Variants in LDB2 observed in about 807,000 individuals in gnomAD.
LDB2 encodes the protein LIM domain-binding protein 2.
Under a neutral mutation model 44.3 loss-of-function variants are expected in LDB2, and 12 were observed. That is an observed-to-expected ratio of 0.27 (90% CI 0.17 to 0.44). The LOEUF is 0.44. LDB2 is among the 20% of genes least tolerant of loss of function. The pLI is 1.00. For synonymous variants in LDB2, 164 were observed against 174.8 expected (o/e 0.94, Z 0.49); for missense variants, 344 against 473.5 (o/e 0.73, Z 2.54).
At chr4:16,885,109 C>G (rs1433372070) in intron 1 of LDB2, among the ~76,000 whole-genome samples, 1 of 142,874 alleles carries the variant, frequency 7.0e-6, no homozygotes, top group Non-Finnish European at 1.5e-5. Flanking sequence ...CACTCAAGCT[C>G]AGGAGTTTGA....
At chr4:16,505,678 C>G (rs1303352314) in intron 7 of LDB2, among the ~76,000 whole-genome samples, 1 of 151,672 alleles carries the variant, frequency 6.6e-6, no homozygotes, top group Non-Finnish European at 1.5e-5. Context: ...CATCTCTATC[C>G]TGTGTGTCCA....
chr4:16,761,946 C>T (rs1422698503), intron 1 of LDB2, among the ~76,000 whole-genome samples: 1 of 152,082 alleles, frequency 6.6e-6, no homozygotes, highest in African/African-American at 2.4e-5. Context: ...GAGTTCGAGA[C>T]CAGCCTGACC....
intron 1 of LDB2, among the ~76,000 whole-genome samples, chr4:16,780,111 GACAA>G (rs1475222810): frequency 1.1e-4 from 17 of 152,092 alleles, no homozygotes; most frequent in Non-Finnish European, 2.4e-4. Context: ...TAGAGCAGGT[GACAA>G]ACAATAAACA....
chr4:16,856,489 A>G (rs28636869), intron 1 of LDB2, among the ~76,000 whole-genome samples: 73,441 of 151,912 alleles, frequency 0.48, 18,900 homozygotes, highest in African/African-American at 0.66. Context: ...AACAAAAACC[A>G]CGCGGTAAAT....
intron 4 of LDB2, among the ~76,000 whole-genome samples, chr4:16,586,507 CACACACACACACACACACAAA>C (rs1353278525): frequency 6.5e-5 from 5 of 76,864 alleles, no homozygotes; most frequent in East Asian, 4.2e-4. Context: ...CACACACACA[CACACACACACACACACACAAA>C]ACACACACAC....
intron 2 of LDB2, among the ~76,000 whole-genome samples, chr4:16,718,400 T>A (rs1435906988): frequency 6.6e-6 from 1 of 152,148 alleles, no homozygotes. Flanking sequence ...GAAAACAATT[T>A]AAAGAATTTT....
In LDB2 at chr4:16,582,985, AG is replaced by A. The variant is rs370913677; in HGVS notation, c.615+2936del. Among the ~76,000 whole-genome samples the A allele has an allele frequency of 2.0e-3, 307 of 152,328 alleles. No homozygotes were observed. The highest frequency in any genetic ancestry group is 5.0e-3 in the South Asian group (24 of 4,830). On this transcript the variant is annotated intron_variant, in intron 5 of 7. Coordinates refer to ENST00000304523, the MANE Select transcript of LDB2 (RefSeq NM_001290.5). The surrounding 1 kb of genome is among the most constrained non-coding windows in gnomAD (Gnocchi z 4.8). ...TGCTTCAAAAGCACCAGGTCACCAGAGCCCCCTCCAAAGTGCTGCTGGCCAG... is the reference window on the plus strand; with the variant it reads ...TGCTTCAAAAGCACCAGGTCACCAGACCCCCTCCAAAGTGCTGCTGGCCAG...
chr4:16,761,554 A>G (rs1268166696), intron 1 of LDB2, among the ~76,000 whole-genome samples: 4 of 152,210 alleles, frequency 2.6e-5, no homozygotes, highest in Non-Finnish European at 5.9e-5. Context: ...TTGTGAACTT[A>G]GCAACTTATT....
intron 5 of LDB2, among the ~76,000 whole-genome samples, chr4:16,549,911 A>C (rs1737056776): frequency 1.3e-5 from 2 of 152,228 alleles, no homozygotes; most frequent in South Asian, 4.1e-4. Context: ...GGAGGTCTGA[A>C]GGCAACCAAA....
At chr4:16,785,978 G>A (rs1459121214) in intron 1 of LDB2, among the ~76,000 whole-genome samples, 1 of 152,160 alleles carries the variant, frequency 6.6e-6, no homozygotes, top group Non-Finnish European at 1.5e-5. Flanking sequence ...ACGATGAGAT[G>A]AGACTCTGCC....
intron 1 of LDB2, among the ~76,000 whole-genome samples, chr4:16,871,780 C>A (rs1716695735): frequency 6.8e-6 from 1 of 147,798 alleles, no homozygotes; most frequent in South Asian, 2.1e-4. Context: ...ACCACCACGC[C>A]CAGCTAATTT....
intron 2 of LDB2, chr4:16,750,750 G>C (rs1765334055): frequency 6.6e-6 from 1 of 152,178 alleles, no homozygotes; most frequent in Admixed American, 6.5e-5. Flanking sequence ...TGTTGTAGTA[G>C]AAGTATGATG....
At chr4:16,745,893 TG>T (rs1392376926) in intron 2 of LDB2, among the ~76,000 whole-genome samples, 3 of 140,496 alleles carry the variant, frequency 2.1e-5, no homozygotes, top group Non-Finnish European at 3.0e-5. Flanking sequence ...TCTCTATTGT[TG>T]AAAAAAAAAA....
intron 2 of LDB2, among the ~76,000 whole-genome samples, chr4:16,704,984 G>A (rs1321198142): frequency 6.6e-6 from 1 of 152,074 alleles, no homozygotes; most frequent in Admixed American, 6.6e-5. Context: ...TGATGCATGA[G>A]GATCTTTGGC....
intron 5 of LDB2, among the ~76,000 whole-genome samples, chr4:16,574,273 A>G (rs1248192051): frequency 3.3e-5 from 5 of 152,212 alleles, no homozygotes; most frequent in East Asian, 3.8e-4. Flanking sequence ...TTACTTAACA[A>G]TAACAACAAC....
chr4:16,739,609 T>C lies in LDB2; in HGVS notation c.235+19549A>G, dbSNP rs1240943893. ...AAAAAAATATATATATATATATATATGTATATATACATGTGTGTGTATATA... is the reference window on the plus strand; with the variant it reads ...AAAAAAATATATATATATATATATACGTATATATACATGTGTGTGTATATA... On this transcript the variant is annotated intron_variant, in intron 2 of 7. Transcript: ENST00000304523. Among the ~76,000 whole-genome samples the C allele has an allele frequency of 2.3e-4, 20 of 85,362 alleles. 4 individuals carry two copies. The highest frequency in any genetic ancestry group is 2.9e-4 in the Non-Finnish European group (13 of 44,474). 56.0% of individuals were successfully genotyped at this position (85,362 alleles called of 152,430 possible).
At chr4:16,627,292 T>C (rs1730537001) in intron 2 of LDB2, among the ~76,000 whole-genome samples, 1 of 152,204 alleles carries the variant, frequency 6.6e-6, no homozygotes, top group Non-Finnish European at 1.5e-5. Flanking sequence ...TGGTAATTAT[T>C]GATGTGGCCC....
chr4:16,518,196 C>T (rs1463141056), intron 5 of LDB2, among the ~76,000 whole-genome samples: 2 of 152,176 alleles, frequency 1.3e-5, no homozygotes, highest in Non-Finnish European at 2.9e-5. Context: ...TTTTGCTTTT[C>T]ATCTGACAGT....
At chr4:16,555,192 T>G (rs930244847) in intron 5 of LDB2, among the ~76,000 whole-genome samples, 11 of 149,802 alleles carry the variant, frequency 7.3e-5, no homozygotes, top group Admixed American at 2.7e-4. Flanking sequence ...TCAATTGGTC[T>G]GGGATGTGGT....
Sources: gnomAD v4.1 joint callset for allele counts (sites outside exome capture counted in the v4.1 genomes callset) on GRCh38, gnomAD v4.1.1 for gene constraint, Gnocchi (gnomAD v3.1) non-coding constraint, MANE v1.5 for transcripts, NCBI Gene and HGNC (gene_info 2026-07-23, HGNC 2026-07-21) for gene names.